KCNMA1: variants seen among roughly 807,000 people sequenced by gnomAD.
The protein encoded by KCNMA1 is Calcium-activated potassium channel subunit alpha-1.
Under a neutral mutation model 140.0 loss-of-function variants are expected in KCNMA1, and 29 were observed. The ratio of observed to expected loss-of-function variants is 0.21; its 90% CI spans 0.15 to 0.28. The LOEUF is 0.28. Among genes scored for constraint, KCNMA1 ranks in the 10% least tolerant of loss-of-function variants. KCNMA1 has a pLI of 1.00. For synonymous variants in KCNMA1, 612 were observed against 611.9 expected (o/e 1.00, Z 0.00); for missense variants, 880 against 1,602.2 (o/e 0.55, Z 7.70).
At chr10:77,559,911 C>T (rs1356257759) in intron 1 of KCNMA1, among the ~76,000 whole-genome samples, 1 of 152,126 alleles carries the variant, frequency 6.6e-6, no homozygotes, top group Non-Finnish European at 1.5e-5. Flanking sequence ...GGCATGGTGG[C>T]TCACACCTAT....
chr10:77,201,291 C>T (rs952436796), intron 3 of KCNMA1, among the ~76,000 whole-genome samples: 6 of 152,130 alleles, frequency 3.9e-5, no homozygotes, highest in African/African-American at 1.2e-4. Flanking sequence ...TGTGACCATG[C>T]GGTCATATTT....
intron 1 of KCNMA1, among the ~76,000 whole-genome samples, chr10:77,412,484 G>C (rs942569316): frequency 1.8e-4 from 27 of 152,180 alleles, no homozygotes; most frequent in African/African-American, 5.5e-4. Context: ...CCAAAGGGTG[G>C]GGGCAGGGGG....
At chr10:76,914,479 C>T (rs528980798) in intron 24 of KCNMA1, 1 of 377,402 alleles carries the variant, frequency 2.6e-6, no homozygotes, top group Non-Finnish European at 4.8e-6. Flanking sequence ...TACACATTAG[C>T]CCAGGGCTTC....
chr10:76,962,573 G>T (rs2072053360), intron 20 of KCNMA1, among the ~76,000 whole-genome samples: 1 of 152,216 alleles, frequency 6.6e-6, no homozygotes, highest in African/African-American at 2.4e-5. Flanking sequence ...AGACTTCACA[G>T]TTTGGCTCAA....
At chr10:77,514,154 T>A (rs967219610) in intron 1 of KCNMA1, among the ~76,000 whole-genome samples, 3 of 152,228 alleles carry the variant, frequency 2.0e-5, no homozygotes, top group African/African-American at 7.2e-5. Flanking sequence ...CTGCCTGCCC[T>A]GATGCGTCAG....
intron 5 of KCNMA1, among the ~76,000 whole-genome samples, chr10:77,136,157 T>A (rs2098019554): frequency 6.6e-6 from 1 of 152,130 alleles, no homozygotes; most frequent in Non-Finnish European, 1.5e-5. Flanking sequence ...GAATATAGCC[T>A]AAGAAAATAT....
At chr10:77,355,677 C>A (rs1309115406) in intron 2 of KCNMA1, among the ~76,000 whole-genome samples, 1 of 152,208 alleles carries the variant, frequency 6.6e-6, no homozygotes, top group Non-Finnish European at 1.5e-5. Context: ...GTTGAGCCAA[C>A]AGATCAAGTT....
chr10:77,636,564 G>C (rs1465961295), intron 1 of KCNMA1: 1 of 1,536,156 alleles, frequency 6.5e-7, no homozygotes, highest in Admixed American at 2.0e-5. Context: ...TGTTCCACTA[G>C]AGCACCTAAG....
At chr10:76,953,695 G>A in intron 21 of KCNMA1, 106 bp downstream of exon 21, 2 of 1,341,272 alleles carry the variant, frequency 1.5e-6, no homozygotes, top group Admixed American at 1.7e-5. Context: ...AAATAATTAG[G>A]ACCAGGGACA....
At chr10:77,463,424 A>T (rs998978407) in intron 1 of KCNMA1, among the ~76,000 whole-genome samples, 4 of 151,872 alleles carry the variant, frequency 2.6e-5, no homozygotes, top group Non-Finnish European at 1.5e-5. Context: ...ATCAAGGAGA[A>T]AGGACTCTGA....
intron 1 of KCNMA1, among the ~76,000 whole-genome samples, chr10:77,626,744 C>G (rs72813448): frequency 6.6e-6 from 1 of 152,202 alleles, no homozygotes; most frequent in Non-Finnish European, 1.5e-5. Context: ...AGGCCGCGTG[C>G]TATCAGTTCA....
intron 3 of KCNMA1, among the ~76,000 whole-genome samples, chr10:77,195,878 G>A (rs1175988017): frequency 2.0e-5 from 3 of 152,148 alleles, no homozygotes; most frequent in Non-Finnish European, 2.9e-5. Flanking sequence ...GAACTCGGGT[G>A]GTAGAGGTTG....
chr10:77,021,479 C>T (rs1167075558), intron 16 of KCNMA1, among the ~76,000 whole-genome samples: 2 of 152,272 alleles, frequency 1.3e-5, no homozygotes, highest in East Asian at 1.9e-4. Context: ...CCACTTTGTC[C>T]CTGCTGCTAA....
chr10:77,462,081 CACACGG>C (rs1183572967), intron 1 of KCNMA1, among the ~76,000 whole-genome samples: 1 of 151,668 alleles, frequency 6.6e-6, no homozygotes, highest in Non-Finnish European at 1.5e-5. Context: ...CATACACATA[CACACGG>C]ACACGGACAC....
intron 1 of KCNMA1, among the ~76,000 whole-genome samples, chr10:77,592,870 C>T (rs1202509508): frequency 1.3e-5 from 2 of 152,142 alleles, no homozygotes; most frequent in African/African-American, 4.8e-5. Flanking sequence ...CAGCCTGAGC[C>T]CCTGGAGTGG....
At chr10:77,279,409 C>T (rs1174083224) in intron 2 of KCNMA1, among the ~76,000 whole-genome samples, 1 of 152,052 alleles carries the variant, frequency 6.6e-6, no homozygotes, top group African/African-American at 2.4e-5. Context: ...ACAAATGTAC[C>T]CAGGGCATCC....
chr10:77,487,910 C>T (rs703265), intron 1 of KCNMA1, among the ~76,000 whole-genome samples: 93,518 of 151,914 alleles, frequency 0.62, 29,956 homozygotes, highest in East Asian at 0.79. Context: ...TGGTACTGTG[C>T]GTTTTAACAA....
chr10:77,482,570 G>C (rs531928870), intron 1 of KCNMA1, among the ~76,000 whole-genome samples: 109 of 152,132 alleles, frequency 7.2e-4, no homozygotes, highest in African/African-American at 2.5e-3. Flanking sequence ...GCCAACTAAA[G>C]CACCACAGGG....
intron 2 of KCNMA1, among the ~76,000 whole-genome samples, chr10:77,330,778 T>G (rs926651638): frequency 1.3e-5 from 2 of 152,136 alleles, no homozygotes; most frequent in African/African-American, 4.8e-5. Context: ...GAACTCAAGT[T>G]CAAGGGAGAA....
Sources: allele counts gnomAD v4.1 joint callset (sites outside exome capture counted in the v4.1 genomes callset), GRCh38; gene constraint gnomAD v4.1.1; transcripts MANE v1.5; gene names NCBI Gene and HGNC (gene_info 2026-07-23, HGNC 2026-07-21).